Variants in JARID2 observed in about 807,000 individuals in gnomAD.
JARID2 encodes jumonji and AT-rich interaction domain containing 2.
JARID2 carries 21 observed loss-of-function variants against 125.6 expected under a neutral mutation model. That is an observed-to-expected ratio of 0.17 (90% CI 0.12 to 0.24). JARID2 has a LOEUF of 0.24. Ranked by LOEUF, JARID2 falls within the 10% of genes least tolerant of loss-of-function variation. The pLI is 1.00. For missense variants in JARID2, 1,303 were observed against 1,639.6 expected, an observed-to-expected ratio of 0.79 and a Z score of 3.55; for synonymous variants, 736 against 661.6, an observed-to-expected ratio of 1.11 and a Z score of -1.73.
intron 5 of JARID2, among the ~76,000 whole-genome samples, chr6:15,469,187 A>G (rs184088316): frequency 6.6e-6 from 1 of 151,656 alleles, no homozygotes; most frequent in Admixed American, 6.6e-5. Context: ...GGCAGGAACA[A>G]TAGCTTGAGT....
At chr6:15,434,813 G>C (rs1044219567) in intron 3 of JARID2, among the ~76,000 whole-genome samples, 2 of 152,154 alleles carry the variant, frequency 1.3e-5, no homozygotes, top group Non-Finnish European at 2.9e-5. Context: ...AACCTCTGCT[G>C]GAAGAGGACT....
intron 17 of JARID2, among the ~76,000 whole-genome samples, chr6:15,519,211 T>C (rs1041723785): frequency 6.6e-6 from 1 of 152,228 alleles, no homozygotes; most frequent in Non-Finnish European, 1.5e-5. Flanking sequence ...AGTAGCCGCC[T>C]AAATGGGTTT....
chr6:15,418,216 CTTTTTT>C (rs56801667), intron 3 of JARID2, among the ~76,000 whole-genome samples: 8 of 117,812 alleles, frequency 6.8e-5, no homozygotes, highest in African/African-American at 2.3e-4. Flanking sequence ...CTATATTCCT[CTTTTTT>C]TTTTTTTTTT....
At chr6:15,306,669 G>A (rs1288914876) in intron 1 of JARID2, among the ~76,000 whole-genome samples, 2 of 151,624 alleles carry the variant, frequency 1.3e-5, no homozygotes, top group Non-Finnish European at 2.9e-5. Context: ...GGATCATACT[G>A]TTTATTTAGT....
At chr6:15,517,865 CCA>C (rs574947427) in intron 17 of JARID2, among the ~76,000 whole-genome samples, 345 of 152,344 alleles carry the variant, frequency 2.3e-3, no homozygotes, top group African/African-American at 7.9e-3. Context: ...CGTGTGCTTC[CCA>C]CAGACTCTGA....
intron 1 of JARID2, among the ~76,000 whole-genome samples, chr6:15,249,777 A>G (rs1415326559): frequency 6.6e-6 from 1 of 152,200 alleles, no homozygotes; most frequent in African/African-American, 2.4e-5. Context: ...AATGATTGTT[A>G]TATTTCGTAA....
chr6:15,270,592 C>G (rs1010747383), intron 1 of JARID2, among the ~76,000 whole-genome samples: 1 of 152,178 alleles, frequency 6.6e-6, no homozygotes, highest in South Asian at 2.1e-4. Context: ...TACCTTTGGA[C>G]TTAGCAGTGA....
In JARID2 at chr6:15,380,286, C is replaced by T. The variant is rs114344829; in HGVS notation, c.181+6034C>T. ...CTGACCTGAGGTGATCTGCCCACGT[C>T]GGCTTCCCCAAGTGCTGAGATTACA... On this transcript the variant is annotated intron_variant, in intron 2 of 17. Coordinates refer to ENST00000341776, the MANE Select transcript of JARID2 (RefSeq NM_004973.4). Among the ~76,000 whole-genome samples the T allele has an allele frequency of 6.2e-3, 944 of 152,234 alleles. 15 individuals carry two copies. Among genetic ancestry groups the T allele is most frequent in the African/African-American group, 0.021 (863 of 41,526 alleles).
intron 3 of JARID2, among the ~76,000 whole-genome samples, chr6:15,413,087 T>TCGG (rs1377107034): frequency 7.2e-6 from 1 of 139,456 alleles, no homozygotes; most frequent in Non-Finnish European, 1.5e-5. Flanking sequence ...TGGTGCGATC[T>TCGG]CGGCTCACCG....
intron 3 of JARID2, among the ~76,000 whole-genome samples, chr6:15,430,623 G>A (rs56759357): frequency 0.022 from 3,361 of 152,208 alleles, 104 homozygotes; most frequent in East Asian, 0.099. Flanking sequence ...GCATTGGGTC[G>A]GGTGTAGTGA....
chr6:15,439,058 G>T (rs955644393), intron 3 of JARID2, among the ~76,000 whole-genome samples: 2 of 151,728 alleles, frequency 1.3e-5, no homozygotes, highest in African/African-American at 2.4e-5. Context: ...AGGTGTGGGG[G>T]GTGCTTTTTC....
At chr6:15,382,347 T>G (rs1280126157) in intron 2 of JARID2, among the ~76,000 whole-genome samples, 1 of 152,172 alleles carries the variant, frequency 6.6e-6, no homozygotes, top group East Asian at 1.9e-4. Context: ...GACCCAGTCC[T>G]AAGATACAGG....
At chr6:15,411,271 T>G (rs188359877) in intron 3 of JARID2, among the ~76,000 whole-genome samples, 1 of 152,180 alleles carries the variant, frequency 6.6e-6, no homozygotes, top group African/African-American at 2.4e-5. Context: ...TGTATCTATC[T>G]AAAGAAGAAC....
chr6:15,507,313 A>G, intron 10 of JARID2, 33 bp from the exon 11 acceptor site: 1 of 1,609,524 alleles, frequency 6.2e-7, no homozygotes, highest in Non-Finnish European at 8.5e-7. Context: ...TTTCCCCGCC[A>G]GTTTGTAACG....
At chr6:15,326,355 A>C (rs540705245) in intron 1 of JARID2, among the ~76,000 whole-genome samples, 1 of 152,186 alleles carries the variant, frequency 6.6e-6, no homozygotes, top group South Asian at 2.1e-4. Flanking sequence ...GCATGTGTGC[A>C]CCACCATACC....
intron 1 of JARID2, among the ~76,000 whole-genome samples, chr6:15,307,669 C>T (rs1047795029): frequency 6.6e-6 from 1 of 152,144 alleles, no homozygotes; most frequent in East Asian, 1.9e-4. Flanking sequence ...TGACTTACCT[C>T]TATTGAAAAC....
chr6:15,375,900 A>G (rs1052371031), intron 2 of JARID2, among the ~76,000 whole-genome samples: 2 of 152,230 alleles, frequency 1.3e-5, no homozygotes. Context: ...AAAAACACCC[A>G]TATTTTCTTA....
chr6:15,379,070 A>G (rs150430848), intron 2 of JARID2, among the ~76,000 whole-genome samples: 2,827 of 152,250 alleles, frequency 0.019, 46 homozygotes, highest in Middle Eastern at 0.068. Flanking sequence ...TAATAACCTA[A>G]GCAGACATAA....
chr6:15,286,839 G>T (rs1271109157), intron 1 of JARID2, among the ~76,000 whole-genome samples: 1 of 150,258 alleles, frequency 6.7e-6, no homozygotes, highest in Non-Finnish European at 1.5e-5. Context: ...TCCAGCCTGG[G>T]CGACAGAGCG....
Sources: allele counts gnomAD v4.1 joint callset (sites outside exome capture counted in the v4.1 genomes callset), GRCh38; gene constraint gnomAD v4.1.1; transcripts MANE v1.5; gene names NCBI Gene and HGNC (gene_info 2026-07-23, HGNC 2026-07-21).